The following MPZL3 variants were observed in gnomAD, a reference collection of about 807,000 sequenced individuals.
MPZL3 encodes myelin protein zero like 3, also known as myelin protein zero-like protein 3.
Under a neutral mutation model 24.8 loss-of-function variants are expected in MPZL3, and 23 were observed. The ratio of observed to expected loss-of-function variants is 0.93; its 90% CI spans 0.67 to 1.31. MPZL3 has a LOEUF of 1.31. Ranked by LOEUF, MPZL3 falls within the 40% of genes most tolerant of loss-of-function variation. The pLI is 0.00. For synonymous variants in MPZL3, 99 were observed against 106.5 expected, an observed-to-expected ratio of 0.93 and a Z score of 0.44; for missense variants, 277 against 294.9, an observed-to-expected ratio of 0.94 and a Z score of 0.44.
At chr11:118,248,529 A>G (rs1472621791) in intron 1 of MPZL3, among the ~76,000 whole-genome samples, 3 of 152,172 alleles carry the variant, frequency 2.0e-5, no homozygotes, top group Non-Finnish European at 4.4e-5. Context: ...AAAAAGTTAT[A>G]AACATTTAAA....
intron 5 of MPZL3, among the ~76,000 whole-genome samples, chr11:118,233,063 A>G (rs1949373436): frequency 6.6e-6 from 1 of 152,200 alleles, no homozygotes; most frequent in Non-Finnish European, 1.5e-5. Context: ...GTTACCTAAA[A>G]GGTTATATCA....
chr11:118,250,705 C>G (rs1186728916), intron 1 of MPZL3, among the ~76,000 whole-genome samples: 1 of 151,954 alleles, frequency 6.6e-6, no homozygotes, highest in Non-Finnish European at 1.5e-5. Flanking sequence ...CTCAGCCTCC[C>G]GAGTAGCTGG....
intron 5 of MPZL3, among the ~76,000 whole-genome samples, chr11:118,231,192 A>G (rs1949346426): frequency 1.3e-5 from 2 of 152,146 alleles, no homozygotes; most frequent in African/African-American, 4.8e-5. Context: ...CCATATTCCC[A>G]AATCATCCAA....
intron 2 of MPZL3, among the ~76,000 whole-genome samples, chr11:118,238,089 A>G (rs1949448655): frequency 6.6e-6 from 1 of 152,074 alleles, no homozygotes; most frequent in Admixed American, 6.6e-5. Flanking sequence ...GTGAGCCGAG[A>G]TTGTGCCACT....
chr11:118,235,743 T>G (rs1949417645), intron 3 of MPZL3, among the ~76,000 whole-genome samples, 154 bp from the exon 4 acceptor site: 1 of 152,140 alleles, frequency 6.6e-6, no homozygotes, highest in Non-Finnish European at 1.5e-5. Context: ...AAAAGTACAA[T>G]GAAGAATAAA....
At chr11:118,249,425 C>T (rs960622688) in intron 1 of MPZL3, among the ~76,000 whole-genome samples, 2 of 152,142 alleles carry the variant, frequency 1.3e-5, no homozygotes, top group African/African-American at 4.8e-5. Flanking sequence ...AAATACCAAT[C>T]CAACATTAAT....
In MPZL3 at chr11:118,229,806, C is replaced by T. The variant is rs939271; in HGVS notation, c.*88G>A. 0.013 allele frequency: 17,727 copies of T among 1,377,554 alleles called. 1,760 individuals are homozygous for T. The African/African-American group carries it at 0.22, about 17-fold the overall frequency. The allele number at this position is 1,377,554 out of a possible 1,614,324, so 85.3% of individuals were successfully genotyped here. On this transcript the variant is annotated 3_prime_UTR_variant, in exon 6 of 6. Transcript: ENST00000278949. Reference sequence around the variant, plus strand: ...TGTCCATCGCTATGGTCCAGGCCAGCTCCACTTTCTCTGACAGGCTTTAGC... The same window carrying T: ...TGTCCATCGCTATGGTCCAGGCCAGTTCCACTTTCTCTGACAGGCTTTAGC...
At chr11:118,241,393 A>G (rs1260435397) in intron 1 of MPZL3, among the ~76,000 whole-genome samples, 2 of 152,188 alleles carry the variant, frequency 1.3e-5, no homozygotes, top group Non-Finnish European at 2.9e-5. Flanking sequence ...GTTGTGATTG[A>G]GCACGCAGGC....
At chr11:118,235,842 G>T (rs561799015) in intron 3 of MPZL3, among the ~76,000 whole-genome samples, 1 of 152,234 alleles carries the variant, frequency 6.6e-6, no homozygotes, top group Non-Finnish European at 1.5e-5. Flanking sequence ...TGGGGTGCAA[G>T]GAGGGCATAT....
chr11:118,252,141 C>T, intron 1 of MPZL3, 81 bp downstream of exon 1: 5 of 1,450,840 alleles, frequency 3.4e-6, no homozygotes, highest in Non-Finnish European at 4.8e-6. Flanking sequence ...TTCTGGAGAC[C>T]CCCCTACCCG....
At chr11:118,247,811 T>C (rs939856318) in intron 1 of MPZL3, among the ~76,000 whole-genome samples, 11 of 152,202 alleles carry the variant, frequency 7.2e-5, no homozygotes, top group African/African-American at 2.6e-4. Context: ...CTTCACTCCC[T>C]ATCTCTAACA....
At chr11:118,246,149 T>C (rs902976535) in intron 1 of MPZL3, among the ~76,000 whole-genome samples, 2 of 152,222 alleles carry the variant, frequency 1.3e-5, no homozygotes, top group South Asian at 2.1e-4. Flanking sequence ...GCTATTCTTT[T>C]CTTAACCATT....
chr11:118,244,086 C>G (rs1032436196), intron 1 of MPZL3, among the ~76,000 whole-genome samples: 1 of 152,076 alleles, frequency 6.6e-6, no homozygotes, highest in Non-Finnish European at 1.5e-5. Context: ...GGATAAAAAC[C>G]CCAGTAGACA....
At chr11:118,251,658 A>G (rs1018825965) in intron 1 of MPZL3, among the ~76,000 whole-genome samples, 4 of 152,218 alleles carry the variant, frequency 2.6e-5, no homozygotes, top group Non-Finnish European at 4.4e-5. Flanking sequence ...TGTATTAAAA[A>G]AAGTTATGAA....
Position 118,252,281 on chromosome 11 carries a change from C to T in MPZL3, c.14G>A (p.Gly5Glu), listed in dbSNP as rs142800645. Residue 5 changes from glycine to glutamate, a missense_variant, in exon 1 of 6, where the codon GGA becomes GAA. Physicochemically the swap from Gly to Glu is moderately conservative, Grantham distance 98 (BLOSUM62 -2). Coordinates refer to ENST00000278949, the MANE Select transcript of MPZL3 (RefSeq NM_198275.3). MQQR[G>E]AAGSRGCALF... ...AGCGCAGCCACGGCTTCCAGCTGCT[C>T]CTCTCTGCTGCATCCCGGCAGCTCT... The T allele has an allele frequency of 6.2e-7, 1 of 1,614,022 alleles. No homozygotes were observed. The highest frequency in any genetic ancestry group is 2.2e-5 in the East Asian group (1 of 44,886).
intron 5 of MPZL3, among the ~76,000 whole-genome samples, chr11:118,232,298 TA>T (rs1949364031): frequency 6.6e-6 from 1 of 152,154 alleles, no homozygotes; most frequent in Non-Finnish European, 1.5e-5. Context: ...CCTAACCTAT[TA>T]AATGTCACAC....
In MPZL3 at chr11:118,240,299, T is replaced by G; in HGVS notation, c.152A>C (p.Lys51Thr). The G allele has an allele frequency of 6.2e-7, 1 of 1,609,156 alleles. No individual in the cohort carries two copies. The highest frequency in any genetic ancestry group is 1.3e-5 in the African/African-American group (1 of 74,818). ...ATCTGAAGTTGACTTGAAAGTGCAT[T>G]TCAACTTGATCTTTTCTCCAACATA... ...RGYVGEKIKLKCTFKSTSDVT... is the reference protein window; with the variant it reads ...RGYVGEKIKLTCTFKSTSDVT... The change falls in exon 2 of 6, where the codon AAA becomes ACA. Residue 51 changes from lysine (K) to threonine (T), a missense_variant. By Grantham distance (78) the Lys-to-Thr change is moderately conservative. Coordinates refer to ENST00000278949, the MANE Select transcript of MPZL3 (RefSeq NM_198275.3).
chr11:118,251,439 ATATTT>A (rs1293653380), intron 1 of MPZL3, among the ~76,000 whole-genome samples: 1 of 151,984 alleles, frequency 6.6e-6, no homozygotes, highest in Non-Finnish European at 1.5e-5. Flanking sequence ...AGATATACTA[ATATTT>A]TATTTCCCAG....
rs60832269 is a variant in MPZL3, at chr11:118,229,125, C to CAAAAAAAA, written c.*761_*768dup. On this transcript the variant is annotated 3_prime_UTR_variant, in exon 6 of 6. Coordinates refer to ENST00000278949, the MANE Select transcript of MPZL3 (RefSeq NM_198275.3). ...CTGGCGACAGAGTGAGACTCTGCCTCAAAAAAAAAAAAAAAAAAAAAAAAG... is the reference window on the plus strand; with the variant it reads ...CTGGCGACAGAGTGAGACTCTGCCTCAAAAAAAAAAAAAAAAAAAAAAAAAAAAAAAAG... The CAAAAAAAA allele has an allele frequency of 1.0e-5, 1 of 96,438 alleles. No individual in the cohort carries two copies. Among genetic ancestry groups the CAAAAAAAA allele is most frequent in the African/African-American group, 5.7e-5 (1 of 17,392 alleles). The allele number at this position is 96,438 out of a possible 1,614,324, so 6.0% of individuals were successfully genotyped here.
Sources: gnomAD v4.1 joint callset for allele counts (sites outside exome capture counted in the v4.1 genomes callset) on GRCh38, gnomAD v4.1.1 for gene constraint, MANE v1.5 for transcripts, NCBI Gene and HGNC (gene_info 2026-07-23, HGNC 2026-07-21) for gene names.